Variants in POR observed in about 807,000 individuals in gnomAD.
POR encodes cytochrome p450 oxidoreductase.
Under a neutral mutation model 84.0 loss-of-function variants are expected in POR, and 56 were observed. That is an observed-to-expected ratio of 0.67 (90% CI 0.54 to 0.83). POR has a LOEUF of 0.83. Ranked by LOEUF, POR falls within the 40% of genes least tolerant of loss-of-function variation. POR has a pLI of 0.00. For missense variants in POR, 938 were observed against 944.3 expected, an observed-to-expected ratio of 0.99 and a Z score of 0.09; for synonymous variants, 414 against 400.5, an observed-to-expected ratio of 1.03 and a Z score of -0.40.
intron 3 of POR, among the ~76,000 whole-genome samples, chr7:75,975,892 T>A (rs928632937): frequency 1.3e-5 from 2 of 150,006 alleles, no homozygotes; most frequent in African/African-American, 4.9e-5. Flanking sequence ...GCTTAAGCAG[T>A]CCTCCTGGTG....
At chr7:75,973,297 T>C (rs1788522133) in intron 3 of POR, among the ~76,000 whole-genome samples, 1 of 152,104 alleles carries the variant, frequency 6.6e-6, no homozygotes, top group African/African-American at 2.4e-5. Flanking sequence ...CAGAGACTCT[T>C]ATTTTTAATT....
At chr7:75,935,013 G>C (rs147940950) in intron 1 of POR, among the ~76,000 whole-genome samples, 2 of 152,122 alleles carry the variant, frequency 1.3e-5, no homozygotes, top group African/African-American at 4.8e-5. Flanking sequence ...GCTGTGGGAA[G>C]GGGGCCACTG....
intron 3 of POR, 153 bp downstream of exon 3, chr7:75,972,614 C>T: frequency 1.3e-6 from 1 of 741,244 alleles, no homozygotes; most frequent in Non-Finnish European, 2.4e-6. Flanking sequence ...GTCATTCTTG[C>T]CTAACCAAAG....
chr7:75,962,455 C>T (rs1427977363), intron 2 of POR, among the ~76,000 whole-genome samples: 2 of 152,084 alleles, frequency 1.3e-5, no homozygotes, highest in Non-Finnish European at 2.9e-5. Flanking sequence ...CCACCATACT[C>T]GGCTAATTTT....
At chr7:75,944,789 G>A (rs1554551933) in intron 1 of POR, among the ~76,000 whole-genome samples, 2 of 152,152 alleles carry the variant, frequency 1.3e-5, no homozygotes, top group Non-Finnish European at 2.9e-5. Context: ...GCAAAATGGA[G>A]GAGACAGAAG....
At chr7:75,970,129 A>G (rs886605209) in intron 2 of POR, among the ~76,000 whole-genome samples, 2 of 152,090 alleles carry the variant, frequency 1.3e-5, no homozygotes, top group African/African-American at 2.4e-5. Flanking sequence ...GGGCCGGGCC[A>G]CTGCGGGAGG....
At chr7:75,920,190 C>G (rs1554548626) in intron 1 of POR, among the ~76,000 whole-genome samples, 1 of 151,446 alleles carries the variant, frequency 6.6e-6, no homozygotes. Flanking sequence ...CTCAGCCTCC[C>G]AAGTAGCTGG....
chr7:75,977,871 G>T (rs1250471820), intron 3 of POR, among the ~76,000 whole-genome samples: 2 of 152,236 alleles, frequency 1.3e-5, no homozygotes, highest in Non-Finnish European at 2.9e-5. Flanking sequence ...TGCATGAGGG[G>T]CCAGGAAGCC....
chr7:75,981,226 T>A, intron 6 of POR, 54 bp downstream of exon 6: 1 of 1,482,970 alleles, frequency 6.7e-7, no homozygotes, highest in Non-Finnish European at 9.0e-7. Context: ...GCAGGGGCCG[T>A]GGAACGTGAG....
In POR at chr7:75,985,225, C is replaced by G; in HGVS notation, c.1398+18C>G. 1.3e-6 allele frequency: 2 copies of G among 1,573,908 alleles called. No homozygotes were observed. Among genetic ancestry groups the G allele is most frequent in the Non-Finnish European group, 1.7e-6 (2 of 1,162,808 alleles). ...CCTCCAAGGTGAGGGCCGGCACTGCCCTGCCAGCCACACGCTGGAGGCCCA... is the reference window on the plus strand; with the variant it reads ...CCTCCAAGGTGAGGGCCGGCACTGCGCTGCCAGCCACACGCTGGAGGCCCA... On this transcript the variant is annotated intron_variant, in intron 12 of 15. Transcript: ENST00000461988.
At chr7:75,922,942 C>T (rs1233249375) in intron 1 of POR, 1 of 674,480 alleles carries the variant, frequency 1.5e-6, no homozygotes, top group African/African-American at 1.8e-5. Flanking sequence ...GCGGCAGAAA[C>T]ATGACAAGGT....
intron 2 of POR, among the ~76,000 whole-genome samples, chr7:75,967,480 CTT>C (rs1367802236): frequency 6.6e-6 from 1 of 152,098 alleles, no homozygotes; most frequent in Non-Finnish European, 1.5e-5. Flanking sequence ...GCCCGCAATT[CTT>C]TTGTGTGGGG....
chr7:75,973,869 G>A (rs553488968), intron 3 of POR, among the ~76,000 whole-genome samples: 27 of 151,296 alleles, frequency 1.8e-4, no homozygotes, highest in African/African-American at 6.3e-4. Flanking sequence ...TAGTAGAGAC[G>A]GGGTTTCACC....
Position 75,986,246 on chromosome 7 carries a change from G to A in POR, c.1898+5G>A, listed in dbSNP as rs782121961. 3.1e-6 allele frequency: 5 copies of A among 1,612,650 alleles called. No individual in the cohort carries two copies. Among genetic ancestry groups the A allele is most frequent in the Non-Finnish European group, 4.2e-6 (5 of 1,179,800 alleles). On this transcript the variant is annotated splice_donor_5th_base_variant and intron_variant, in intron 15 of 15. Transcript: ENST00000461988. Reference sequence around the variant, plus strand: ...TGCCCACATCTACGTCTGTGGGTGAGTGAGTGGGGTCACTGGAATAGGGGG... The same window carrying A: ...TGCCCACATCTACGTCTGTGGGTGAATGAGTGGGGTCACTGGAATAGGGGG...
intron 1 of POR, among the ~76,000 whole-genome samples, chr7:75,920,881 G>A (rs1352426439): frequency 6.6e-6 from 1 of 152,114 alleles, no homozygotes; most frequent in Non-Finnish European, 1.5e-5. Flanking sequence ...TTAGCCAGTG[G>A]TGCCCGGCAT....
Position 75,984,910 on chromosome 7 carries a change from G to T in POR, c.1200G>T (p.Ser400=), listed in dbSNP as rs372401863. 1 of 1,608,414 alleles carries T rather than the reference G, an allele frequency of 6.2e-7. No homozygotes were observed. The highest frequency in any genetic ancestry group is 1.3e-5 in the African/African-American group (1 of 74,846). The change falls in exon 11 of 16, where the codon TCG becomes TCT. Residue 400 remains serine (S), a synonymous_variant. Transcript: ENST00000461988. ...TGGCGCAGTACGCCTCGGAGCCCTC[G>T]GAGCAGGAGCTGCTGCGCAAGATGG...
At chr7:75,982,441 C>T (rs72557925) in intron 8 of POR, 119 bp downstream of exon 8, 14 of 824,340 alleles carry the variant, frequency 1.7e-5, no homozygotes, top group Admixed American at 6.4e-5. Context: ...CCCCGTGCCC[C>T]GAGTGGGTGT....
Position 75,985,135 on chromosome 7 carries a change from C to CCCCAT in POR, c.1328_1332dup (p.Asp445ProfsTer102). 6.2e-7 allele frequency: 1 copy of CCCCAT among 1,600,012 alleles called. No individual in the cohort carries two copies. The highest frequency in any genetic ancestry group is 8.5e-7 in the Non-Finnish European group (1 of 1,179,578). On this transcript the variant is annotated frameshift_variant, in exon 12 of 16. Transcript: ENST00000461988. LOFTEE classifies it high-confidence loss of function. ...TGCAGGACTGCCCGTCCCTGCGGCCCCCCATCGACCACCTGTGTGAGCTGC... is the reference window on the plus strand; with the variant it reads ...TGCAGGACTGCCCGTCCCTGCGGCCCCCCATCCCATCGACCACCTGTGTGAGCTGC...
At chr7:75,924,609 G>GT (rs1297693557) in intron 1 of POR, among the ~76,000 whole-genome samples, 2 of 152,162 alleles carry the variant, frequency 1.3e-5, no homozygotes, top group Admixed American at 6.6e-5. Context: ...GGAGGCTGAG[G>GT]TGGGAGGATC....
Sources: gnomAD v4.1 joint callset for allele counts (sites outside exome capture counted in the v4.1 genomes callset) on GRCh38, gnomAD v4.1.1 for gene constraint, MANE v1.5 for transcripts, NCBI Gene and HGNC (gene_info 2026-07-23, HGNC 2026-07-21) for gene names.